Variants in ANKHD1 observed in about 807,000 individuals in gnomAD.
ANKHD1 encodes ankyrin repeat and KH domain-containing protein 1.
In ANKHD1, 31 loss-of-function variants were observed where a neutral mutation model predicts 230.5. That is an observed-to-expected ratio of 0.13 (90% CI 0.10 to 0.18). The LOEUF (loss-of-function observed/expected upper bound fraction) is 0.18. Among genes scored for constraint, ANKHD1 ranks in the 10% least tolerant of loss-of-function variants. The pLI is 1.00. For missense variants in ANKHD1, 2,256 were observed against 3,071.3 expected (o/e 0.73, Z 6.27); for synonymous variants, 1,074 against 1,117.6 (o/e 0.96, Z 0.78).
At chr5:140,432,116 T>G (rs374695932) in intron 1 of ANKHD1, among the ~76,000 whole-genome samples, 3 of 152,228 alleles carry the variant, frequency 2.0e-5, no homozygotes, top group Admixed American at 2.0e-4. Context: ...CCATAAGATA[T>G]AGCATTTTAA....
chr5:140,528,960 C>T lies in ANKHD1; in HGVS notation c.6014C>T (p.Pro2005Leu). 2 of 1,614,184 alleles carry T rather than the reference C, an allele frequency of 1.2e-6. No homozygotes were observed. The highest frequency in any genetic ancestry group is 1.7e-5 in the Admixed American group (1 of 60,030). The change falls in exon 29 of 34, where the codon CCT (proline) becomes CTT (leucine). Residue 2005 changes from proline to leucine, a missense_variant. By Grantham distance (98) the Pro-to-Leu change is moderately conservative. Around this residue, in one of 13 missense-constraint regions of ANKHD1, gnomAD observed 778 missense variants for 966.5 expected, o/e 0.80. Coordinates refer to ENST00000360839, the MANE Select transcript of ANKHD1 (RefSeq NM_017747.3). ...TSGQAPTTFL[P>L]ASTSQAQLSS... ...GGGCAAGCTCCCACCACATTTCTACCTGCAAGTACTTCTCAAGCACAGCTT... is the reference window on the plus strand; with the variant it reads ...GGGCAAGCTCCCACCACATTTCTACTTGCAAGTACTTCTCAAGCACAGCTT...
intron 1 of ANKHD1, among the ~76,000 whole-genome samples, chr5:140,432,531 G>A (rs1471186855): frequency 2.0e-5 from 3 of 151,612 alleles, no homozygotes; most frequent in Non-Finnish European, 4.4e-5. Context: ...AGGTATGAAC[G>A]TTTGTGTTTA....
At chr5:140,490,520 A>G (rs942876539) in intron 14 of ANKHD1, among the ~76,000 whole-genome samples, 4 of 152,204 alleles carry the variant, frequency 2.6e-5, no homozygotes, top group African/African-American at 9.7e-5. Flanking sequence ...AGGCCTCAGA[A>G]TCACGTCCAT....
intron 7 of ANKHD1, among the ~76,000 whole-genome samples, chr5:140,455,646 C>A (rs1775118231): frequency 6.6e-6 from 1 of 152,130 alleles, no homozygotes; most frequent in Admixed American, 6.5e-5. Context: ...CAGAAAAGTC[C>A]TTTGACAAAA....
intron 14 of ANKHD1, among the ~76,000 whole-genome samples, chr5:140,491,105 TATACAC>T (rs1310574699): frequency 3.3e-5 from 4 of 122,898 alleles, no homozygotes; most frequent in East Asian, 2.3e-4. Context: ...TATATATATA[TATACAC>T]ACACACACAT....
intron 1 of ANKHD1, among the ~76,000 whole-genome samples, chr5:140,422,751 A>C: frequency 6.6e-6 from 1 of 151,338 alleles, no homozygotes; most frequent in South Asian, 2.1e-4. Context: ...TGGAGGTTGC[A>C]GTGAGCCAAG....
At chr5:140,456,342 C>G (rs1775189653) in intron 7 of ANKHD1, among the ~76,000 whole-genome samples, 1 of 152,130 alleles carries the variant, frequency 6.6e-6, no homozygotes, top group South Asian at 2.1e-4. Flanking sequence ...ACTTCCTTCA[C>G]AGAATTGGAA....
At chr5:140,486,350 C>T (rs903639379) in intron 13 of ANKHD1, among the ~76,000 whole-genome samples, 2 of 152,146 alleles carry the variant, frequency 1.3e-5, no homozygotes, top group Admixed American at 6.5e-5. Context: ...CAGGCGTGAG[C>T]CACATGCCCG....
At chr5:140,486,831 AG>A in intron 13 of ANKHD1, 126 bp from the exon 14 acceptor site, 8 of 901,428 alleles carry the variant, frequency 8.9e-6, no homozygotes, top group Non-Finnish European at 1.2e-5. Flanking sequence ...TTTTAAAAAA[AG>A]CTTCAGGAAA....
At chr5:140,464,332 A>G (rs1775936613) in intron 9 of ANKHD1, among the ~76,000 whole-genome samples, 1 of 152,176 alleles carries the variant, frequency 6.6e-6, no homozygotes, top group Non-Finnish European at 1.5e-5. Flanking sequence ...CACAATATCC[A>G]TAGAACTGTC....
intron 5 of ANKHD1, among the ~76,000 whole-genome samples, chr5:140,443,746 C>T (rs1258552596): frequency 4.0e-5 from 6 of 151,386 alleles, no homozygotes; most frequent in African/African-American, 1.5e-4. Context: ...TTTTAAATTT[C>T]CCCTTGAGGA....
At chr5:140,508,603 A>C (rs1310340105) in intron 20 of ANKHD1, among the ~76,000 whole-genome samples, 2 of 152,072 alleles carry the variant, frequency 1.3e-5, no homozygotes, top group Non-Finnish European at 2.9e-5. Flanking sequence ...AAAAGTACAA[A>C]AAATTAGCTG....
At chr5:140,505,320 A>G (rs1752493672) in intron 17 of ANKHD1, 87 bp downstream of exon 17, 1 of 1,393,582 alleles carries the variant, frequency 7.2e-7, no homozygotes, top group Non-Finnish European at 9.9e-7. Flanking sequence ...TTCCTAGACT[A>G]TCTCAGTGAT....
intron 24 of ANKHD1, among the ~76,000 whole-genome samples, chr5:140,515,132 G>C (rs1693750701): frequency 6.6e-6 from 1 of 151,792 alleles, no homozygotes; most frequent in Admixed American, 6.6e-5. Context: ...ACAAATATTA[G>C]CTGGGTGTGG....
Position 140,504,884 on chromosome 5 carries a change from C to A in ANKHD1, c.3068C>A (p.Pro1023His). The change falls in exon 16 of 34, where the codon CCT (proline) becomes CAT (histidine). Residue 1023 changes from proline to histidine, a missense_variant. Around this residue, in one of 13 missense-constraint regions of ANKHD1, gnomAD observed 358 missense variants for 397.7 expected, o/e 0.90. Coordinates refer to ENST00000360839, the MANE Select transcript of ANKHD1 (RefSeq NM_017747.3). ...SSSQTTECLT[P>H]ESCSQTTSNV... ...TCTCAGACCACAGAGTGTCTTACAC[C>A]TGAATCCTGTTCGCAGACTACAAGC... 1.9e-6 allele frequency: 3 copies of A among 1,614,194 alleles called. No homozygotes were observed. The highest frequency in any genetic ancestry group is 2.5e-6 in the Non-Finnish European group (3 of 1,180,032).
At chr5:140,502,561 A>G (rs1177335080) in intron 15 of ANKHD1, among the ~76,000 whole-genome samples, 4 of 152,208 alleles carry the variant, frequency 2.6e-5, no homozygotes, top group African/African-American at 9.6e-5. Flanking sequence ...TAAAATACTG[A>G]TAGAAAAGTA....
chr5:140,518,837 T>A (rs1187314622), intron 24 of ANKHD1, among the ~76,000 whole-genome samples: 2 of 152,190 alleles, frequency 1.3e-5, no homozygotes, highest in Non-Finnish European at 2.9e-5. Context: ...TCATACTGAA[T>A]GGGCAAAAAC....
chr5:140,429,954 A>G (rs958541357), intron 1 of ANKHD1, among the ~76,000 whole-genome samples: 3 of 152,142 alleles, frequency 2.0e-5, no homozygotes, highest in African/African-American at 7.2e-5. Context: ...ATAATAGCTG[A>G]GTCTGTGGTA....
At chr5:140,438,784 A>G (rs1220563830) in intron 3 of ANKHD1, among the ~76,000 whole-genome samples, 167 bp downstream of exon 3, 1 of 152,198 alleles carries the variant, frequency 6.6e-6, no homozygotes, top group African/African-American at 2.4e-5. Context: ...TAGCTATACA[A>G]ATGGATATTT....
Sources: allele counts gnomAD v4.1 joint callset (sites outside exome capture counted in the v4.1 genomes callset), GRCh38; gene constraint gnomAD v4.1.1; regional missense constraint gnomAD v4.1.1; transcripts MANE v1.5; gene names NCBI Gene and HGNC (gene_info 2026-07-23, HGNC 2026-07-21).